The following CTNNA1 variants were observed in gnomAD, a reference collection of about 807,000 sequenced individuals.
The protein encoded by CTNNA1 is catenin alpha-1.
In CTNNA1, 37 loss-of-function variants were observed where a neutral mutation model predicts 98.4. The ratio of observed to expected loss-of-function variants is 0.38; its 90% confidence interval spans 0.29 to 0.49. The LOEUF (loss-of-function observed/expected upper bound fraction) is 0.49. Among genes scored for constraint, CTNNA1 ranks in the 20% least tolerant of loss-of-function variants. The probability of loss-of-function intolerance (pLI) is 0.95; values close to 1 mark genes in which losing one functional copy is unlikely to be tolerated. For synonymous variants in CTNNA1, 404 were observed against 413.2 expected, an observed-to-expected ratio of 0.98 and a Z score of 0.27; for missense variants, 761 against 1,147.2, an observed-to-expected ratio of 0.66 and a Z score of 4.86.
intron 7 of CTNNA1, among the ~76,000 whole-genome samples, chr5:138,838,577 A>G (rs931894627): frequency 6.7e-6 from 1 of 148,536 alleles, no homozygotes; most frequent in Non-Finnish European, 1.5e-5. Flanking sequence ...TCTGCTTTTT[A>G]TTTATTTATT....
chr5:138,920,546 G>C (rs149292660), intron 11 of CTNNA1, among the ~76,000 whole-genome samples: 20 of 152,360 alleles, frequency 1.3e-4, no homozygotes, highest in Non-Finnish European at 2.8e-4. Flanking sequence ...TTTTGAGGTA[G>C]GTGGGCTTCA....
rs373053387 is a variant in CTNNA1, at chr5:138,863,200, C to T, written c.1063-23012C>T. 4.2e-4 allele frequency among the ~76,000 whole-genome samples: 63 copies of T among 151,770 alleles called. 1 individual carries two copies. The South Asian group carries it at 0.012, about 29-fold the overall frequency. On this transcript the variant is annotated intron_variant, in intron 7 of 17. Coordinates refer to ENST00000302763, the MANE Select transcript of CTNNA1 (RefSeq NM_001903.5). Reference sequence around the variant, plus strand: ...GAGACAGTTAAATTTCTGACTTGTTCAGGCTAATGATTGCTTCATCTTTTT... The same window carrying T: ...GAGACAGTTAAATTTCTGACTTGTTTAGGCTAATGATTGCTTCATCTTTTT...
At chr5:138,833,617 T>C (rs1761491696) in intron 7 of CTNNA1, among the ~76,000 whole-genome samples, 1 of 152,230 alleles carries the variant, frequency 6.6e-6, no homozygotes, top group African/African-American at 2.4e-5. Context: ...GGTTTATTTC[T>C]GGCTTGCATT....
intron 7 of CTNNA1, chr5:138,875,871 C>T (rs901362388): frequency 5.1e-5 from 14 of 275,836 alleles, no homozygotes; most frequent in African/African-American, 3.0e-4. Flanking sequence ...GCTTGTTTGT[C>T]ATCAAGAGCT....
intron 7 of CTNNA1, among the ~76,000 whole-genome samples, chr5:138,883,702 A>C (rs1561647539): frequency 6.6e-6 from 1 of 152,234 alleles, no homozygotes; most frequent in Non-Finnish European, 1.5e-5. Flanking sequence ...TTCTAGAACA[A>C]ATGATCTATT....
intron 9 of CTNNA1, 102 bp from the exon 10 acceptor site, chr5:138,904,247 T>A (rs767628226): frequency 1.3e-4 from 182 of 1,396,210 alleles, no homozygotes; most frequent in Non-Finnish European, 1.6e-4. Flanking sequence ...CTTGGTGCCC[T>A]TGTCATCTGT....
chr5:138,777,646 A>G (rs1237699752), intron 1 of CTNNA1, among the ~76,000 whole-genome samples: 1 of 152,020 alleles, frequency 6.6e-6, no homozygotes. Context: ...ACTCGCGGTT[A>G]GGAGCTGGAG....
intron 16 of CTNNA1, 47 bp from the exon 17 acceptor site, chr5:138,932,531 C>T (rs1272651251): frequency 6.2e-7 from 1 of 1,604,624 alleles, no homozygotes; most frequent in South Asian, 1.1e-5. Flanking sequence ...GTCGGGGGTG[C>T]TTGGGCCAGG....
chr5:138,931,320 T>G (rs939505264), intron 16 of CTNNA1, among the ~76,000 whole-genome samples: 13 of 152,140 alleles, frequency 8.5e-5, no homozygotes, highest in African/African-American at 2.9e-4. Context: ...ATCCCCCTAT[T>G]CCCTCACACT....
intron 9 of CTNNA1, among the ~76,000 whole-genome samples, chr5:138,899,325 C>T (rs1757542854): frequency 6.6e-6 from 1 of 152,098 alleles, no homozygotes; most frequent in African/African-American, 2.4e-5. Flanking sequence ...TTTATATTTG[C>T]TTCTGCCACC....
chr5:138,864,903 C>T (rs1160060181), intron 7 of CTNNA1, among the ~76,000 whole-genome samples: 2 of 152,092 alleles, frequency 1.3e-5, no homozygotes, highest in African/African-American at 4.8e-5. Context: ...CAACCTCCGC[C>T]TTCCAGGTTC....
chr5:138,824,088 C>T (rs1009897309), intron 5 of CTNNA1, among the ~76,000 whole-genome samples: 4 of 150,758 alleles, frequency 2.7e-5, no homozygotes, highest in African/African-American at 9.8e-5. Context: ...GTACATATAT[C>T]TATATAGAGT....
At chr5:138,908,546 T>A (rs1056568480) in intron 10 of CTNNA1, among the ~76,000 whole-genome samples, 2 of 151,922 alleles carry the variant, frequency 1.3e-5, no homozygotes, top group Non-Finnish European at 2.9e-5. Flanking sequence ...GCACTTGTAG[T>A]CCCAGCTACT....
chr5:138,765,409 T>C (rs147705041), intron 1 of CTNNA1, among the ~76,000 whole-genome samples: 8,274 of 152,134 alleles, frequency 0.054, 329 homozygotes, highest in South Asian at 0.15. Flanking sequence ...CTTGAACTCC[T>C]GACCTCAAGT....
chr5:138,809,092 C>A (rs1023734441), intron 3 of CTNNA1, among the ~76,000 whole-genome samples: 1 of 152,204 alleles, frequency 6.6e-6, no homozygotes. Context: ...TCAAGAGATT[C>A]TCCTGCCTTG....
At chr5:138,861,246 C>G (rs1015542408) in intron 7 of CTNNA1, among the ~76,000 whole-genome samples, 2 of 152,120 alleles carry the variant, frequency 1.3e-5, no homozygotes, top group African/African-American at 4.8e-5. Context: ...GTCTCGAACT[C>G]CTGACCTCAG....
chr5:138,900,605 T>C (rs889112519), intron 9 of CTNNA1, among the ~76,000 whole-genome samples: 2 of 152,204 alleles, frequency 1.3e-5, no homozygotes, highest in Non-Finnish European at 2.9e-5. Context: ...AAAGTCATAA[T>C]GGGATTTTTT....
chr5:138,834,340 C>T (rs1449818912), intron 7 of CTNNA1, among the ~76,000 whole-genome samples: 3 of 152,028 alleles, frequency 2.0e-5, no homozygotes, highest in African/African-American at 4.8e-5. Flanking sequence ...AGACTTAATT[C>T]GGATCTGTGT....
At chr5:138,787,921 G>A (rs1013738047) in intron 3 of CTNNA1, among the ~76,000 whole-genome samples, 1 of 152,216 alleles carries the variant, frequency 6.6e-6, no homozygotes, top group African/African-American at 2.4e-5. Context: ...GGTCAGGTGA[G>A]CCACATGTGG....
Sources: gnomAD v4.1 joint callset for allele counts (sites outside exome capture counted in the v4.1 genomes callset) on GRCh38, gnomAD v4.1.1 for gene constraint, MANE v1.5 for transcripts, NCBI Gene and HGNC (gene_info 2026-07-23, HGNC 2026-07-21) for gene names.